The following LTN1 variants were observed in gnomAD, a reference collection of about 807,000 sequenced individuals.
LTN1 encodes the protein listerin E3 ubiquitin protein ligase 1.
LTN1 carries 88 observed loss-of-function variants against 201.2 expected under a neutral mutation model. The ratio of observed to expected loss-of-function variants is 0.44; its 90% CI spans 0.37 to 0.52. The LOEUF is 0.52. Among genes scored for constraint, LTN1 ranks in the 20% least tolerant of loss-of-function variants. The pLI is 0.00. For missense variants in LTN1, 1,752 were observed against 2,038.7 expected, an observed-to-expected ratio of 0.86 and a Z score of 2.71; for synonymous variants, 645 against 713.5, an observed-to-expected ratio of 0.90 and a Z score of 1.53.
intron 11 of LTN1, chr21:28,961,650 C>G (rs573116900): frequency 3.4e-4 from 52 of 153,010 alleles, no homozygotes; most frequent in African/African-American, 1.2e-3. Context: ...TTATCACTAA[C>G]TAGCCTATGA....
intron 21 of LTN1, 34 bp downstream of exon 21, chr21:28,945,773 C>G: frequency 6.3e-7 from 1 of 1,575,088 alleles, no homozygotes; most frequent in Non-Finnish European, 8.6e-7. Flanking sequence ...GTACAAAAAC[C>G]CACAAGAGGT....
At chr21:28,990,010 C>T (rs1025478070) in intron 1 of LTN1, among the ~76,000 whole-genome samples, 3 of 151,954 alleles carry the variant, frequency 2.0e-5, no homozygotes, top group African/African-American at 7.3e-5. Flanking sequence ...ATGTGATGGC[C>T]TTTCACAATT....
chr21:28,960,871 C>G (rs546798990), intron 11 of LTN1, 165 bp from the exon 12 acceptor site: 1 of 540,288 alleles, frequency 1.9e-6, no homozygotes, highest in South Asian at 2.6e-5. Flanking sequence ...CTCCCTGTTC[C>G]CCATTAAGCC....
chr21:28,936,399 C>G (rs1241705670), intron 26 of LTN1, 127 bp downstream of exon 26: 2 of 619,662 alleles, frequency 3.2e-6, no homozygotes, highest in East Asian at 5.5e-5. Flanking sequence ...GGAAAATGGT[C>G]AATTTCAACA....
chr21:28,988,705 G>A (rs961024797), intron 1 of LTN1, among the ~76,000 whole-genome samples: 3 of 151,614 alleles, frequency 2.0e-5, no homozygotes, highest in African/African-American at 4.8e-5. Context: ...GGTGGTTCAC[G>A]TCTGTAATCC....
At chr21:28,947,387 GGT>G in intron 19 of LTN1, 75 bp downstream of exon 19, 1 of 1,165,758 alleles carries the variant, frequency 8.6e-7, no homozygotes, top group Non-Finnish European at 1.2e-6. Flanking sequence ...TGCTAGATGT[GGT>G]CTTATATATT....
In LTN1 at chr21:28,944,538, A is replaced by C. The variant is rs776676218; in HGVS notation, c.3827T>G (p.Val1276Gly). The stretch of plus-strand genomic sequence containing the variant: ...GAGGTCACAGGCCAAATCACAGCTG[A>C]CACAGGCAAACAGTTGCACAAGTGG... ...SIPLVQLFACVSCDLACDLSA... is the reference protein window; with the variant it reads ...SIPLVQLFACGSCDLACDLSA... The change falls in exon 22 of 30, where the codon GTC becomes GGC. Residue 1276 changes from valine (V) to glycine (G), a missense_variant. Coordinates refer to ENST00000361371, the MANE Select transcript of LTN1 (RefSeq NM_015565.3). 4 of 1,614,064 alleles carry C rather than the reference A, an allele frequency of 2.5e-6. No homozygotes were observed. The South Asian group carries it at 4.4e-5, about 18-fold the overall frequency.
intron 6 of LTN1, 61 bp from the exon 7 acceptor site, chr21:28,971,505 T>TTATGGTAATAG: frequency 6.7e-7 from 1 of 1,485,146 alleles, no homozygotes; most frequent in Non-Finnish European, 9.3e-7. Context: ...GATTTTTAAT[T>TTATGGTAATAG]TATGGTAATA....
At chr21:28,930,693 C>G (rs1280680679) in intron 29 of LTN1, among the ~76,000 whole-genome samples, 183 bp from the exon 30 acceptor site, 3 of 152,208 alleles carry the variant, frequency 2.0e-5, no homozygotes, top group Non-Finnish European at 4.4e-5. Context: ...CTTCCGATGG[C>G]TACACTAAGT....
At chr21:28,933,056 C>T (rs894881903) in intron 27 of LTN1, among the ~76,000 whole-genome samples, 4 of 152,154 alleles carry the variant, frequency 2.6e-5, no homozygotes, top group African/African-American at 9.7e-5. Flanking sequence ...TCCTCCTGAG[C>T]TTTGGAGCCA....
chr21:28,991,193 G>A (rs187431428), intron 1 of LTN1, among the ~76,000 whole-genome samples: 59 of 151,526 alleles, frequency 3.9e-4, no homozygotes, highest in African/African-American at 1.4e-3. Context: ...AGGCTGAGGT[G>A]GGAGGACTGA....
At chr21:28,946,386 A>G in intron 19 of LTN1, 99 bp from the exon 20 acceptor site, 1 of 740,778 alleles carries the variant, frequency 1.3e-6, no homozygotes, top group East Asian at 3.0e-5. Context: ...TTTCTTGAGA[A>G]GTGTTCAGGT....
chr21:28,953,349 C>A lies in LTN1; in HGVS notation c.3107G>T (p.Trp1036Leu). 6.3e-7 allele frequency: 1 copy of A among 1,594,500 alleles called. No homozygotes were observed. The highest frequency in any genetic ancestry group is 8.5e-7 in the Non-Finnish European group (1 of 1,175,270). ...IIAELLYSLQWCEELDNPPIF... is the reference protein window; with the variant it reads ...IIAELLYSLQLCEELDNPPIF... ...AGGTGGGTTATCTAATTCTTCACAC[C>A]ACTGCAGTGAATAAAGCAGTTCTGC... Residue 1036 changes from tryptophan to leucine, a missense_variant, in exon 17 of 30, where the codon TGG (tryptophan) becomes TTG (leucine). Trp to Leu is a moderately conservative substitution (Grantham distance 61). Coordinates refer to ENST00000361371, the MANE Select transcript of LTN1 (RefSeq NM_015565.3).
At chr21:28,971,513 ATAG>A (rs2084574969) in intron 6 of LTN1, 69 bp from the exon 7 acceptor site, 8 of 1,405,958 alleles carry the variant, frequency 5.7e-6, no homozygotes, top group South Asian at 5.1e-5. Flanking sequence ...ATTTATGGTA[ATAG>A]TAGATTATTC....
At chr21:28,942,760 T>C (rs1157966670) in intron 24 of LTN1, among the ~76,000 whole-genome samples, 1 of 97,344 alleles carries the variant, frequency 1.0e-5, no homozygotes, top group Non-Finnish European at 2.0e-5. Flanking sequence ...CTGATGTACA[T>C]TAATTGTGCC....
chr21:28,952,626 G>A (rs1420565419), intron 17 of LTN1, among the ~76,000 whole-genome samples: 2 of 152,204 alleles, frequency 1.3e-5, no homozygotes, highest in Non-Finnish European at 2.9e-5. Context: ...CAATCAAAGA[G>A]GTTCTTTGGT....
At chr21:28,938,299 T>C (rs1312575592) in intron 25 of LTN1, among the ~76,000 whole-genome samples, 1 of 152,180 alleles carries the variant, frequency 6.6e-6, no homozygotes, top group African/African-American at 2.4e-5. Flanking sequence ...TTAAATACTT[T>C]TGGTAAAGCA....
At chr21:28,935,834 C>G (rs1240205902) in intron 26 of LTN1, among the ~76,000 whole-genome samples, 5 of 130,972 alleles carry the variant, frequency 3.8e-5, no homozygotes, top group Non-Finnish European at 7.9e-5. Flanking sequence ...AGCGAGACTC[C>G]GTCTCAAAAA....
In LTN1 at chr21:28,966,736, T is replaced by C. The variant is rs1431407009; in HGVS notation, c.1755A>G (p.Leu585=). Residue 585 remains leucine (L), a synonymous_variant, in exon 10 of 30, where the codon CTA becomes CTG. Coordinates refer to ENST00000361371, the MANE Select transcript of LTN1 (RefSeq NM_015565.3). The part of the protein sequence containing the change: ...THNSSGLLSP[L]RKKPLEDLVC... Reference sequence around the variant, plus strand: ...CTAAGTCTTCCAAAGGTTTTTTCCTTAGAGGAGACAAAAGGCCTGAAGAAT... The same window carrying C: ...CTAAGTCTTCCAAAGGTTTTTTCCTCAGAGGAGACAAAAGGCCTGAAGAAT... 2 of 1,613,974 alleles carry C rather than the reference T, an allele frequency of 1.2e-6. No individual in the cohort carries two copies. Among genetic ancestry groups the C allele is most frequent in the East Asian group, 2.2e-5 (1 of 44,882 alleles).
Sources: allele counts gnomAD v4.1 joint callset (sites outside exome capture counted in the v4.1 genomes callset), GRCh38; gene constraint gnomAD v4.1.1; transcripts MANE v1.5; gene names NCBI Gene and HGNC (gene_info 2026-07-23, HGNC 2026-07-21).